The following UBE2Q2 variants were observed in gnomAD, a reference collection of about 807,000 sequenced individuals.
UBE2Q2 encodes ubiquitin-conjugating enzyme E2 Q2.
UBE2Q2 carries 54 observed loss-of-function variants against 59.9 expected under a neutral mutation model. The observed-to-expected ratio is 0.90, with a 90% CI of 0.72 to 1.13. The LOEUF (loss-of-function observed/expected upper bound fraction) is 1.13. Ranked by LOEUF, UBE2Q2 falls within the 50% of genes most tolerant of loss-of-function variation. The pLI is 0.00. For synonymous variants in UBE2Q2, 165 were observed against 155.2 expected (o/e 1.06, Z -0.47); for missense variants, 433 against 441.9 (o/e 0.98, Z 0.18).
Position 75,899,691 on chromosome 15 carries a change from A to G in UBE2Q2, c.*233A>G, listed in dbSNP as rs1899650541. 6.7e-6 allele frequency: 2 copies of G among 298,296 alleles called. No individual in the cohort carries two copies. Among genetic ancestry groups the G allele is most frequent in the South Asian group, 7.5e-5 (1 of 13,304 alleles). 18.5% of individuals were successfully genotyped at this position (298,296 alleles called of 1,614,324 possible). A position where few individuals can be genotyped will look rare whatever the true frequency, so the allele number is the denominator to read the frequency against. On this transcript the variant is annotated 3_prime_UTR_variant, in exon 13 of 13. Transcript: ENST00000267938. The stretch of plus-strand genomic sequence containing the variant: ...GCCTTTACTGTATTTTTCCTGATAA[A>G]TACACATACTGGCCACTCCTTATCT...
chr15:75,873,496 T>C lies in UBE2Q2; in HGVS notation c.516T>C (p.Asp172=). Residue 172 remains aspartate, a synonymous_variant, in exon 5 of 13, where the codon GAT becomes GAC. Transcript: ENST00000267938. ...CTATTAGTGGGAAAAAGTCAGAGGA[T>C]GAAGGAATTGAAAAAGAAAATTTGG... is the stretch of plus-strand genomic sequence containing the variant. ...EEPISGKKSE[D]EGIEKENLAI... is the part of the protein sequence containing the mutation. The C allele has an allele frequency of 6.2e-7, 1 of 1,613,832 alleles. No individual in the cohort carries two copies. Among genetic ancestry groups the C allele is most frequent in the Non-Finnish European group, 8.5e-7 (1 of 1,179,882 alleles).
chr15:75,867,635 T>A (rs549535282), intron 3 of UBE2Q2, among the ~76,000 whole-genome samples: 1 of 152,314 alleles, frequency 6.6e-6, no homozygotes, highest in South Asian at 2.1e-4. Context: ...TTACTTCCCC[T>A]TTTTGAGGTG....
At chr15:75,886,560 G>T (rs550508055) in intron 9 of UBE2Q2, among the ~76,000 whole-genome samples, 1 of 152,234 alleles carries the variant, frequency 6.6e-6, no homozygotes, top group East Asian at 1.9e-4. Flanking sequence ...AAAAGATTTG[G>T]AAGAAATTTG....
At chr15:75,867,876 A>C (rs1438201947) in intron 3 of UBE2Q2, among the ~76,000 whole-genome samples, 1 of 152,174 alleles carries the variant, frequency 6.6e-6, no homozygotes, top group African/African-American at 2.4e-5. Context: ...TTTGATTTGG[A>C]ATATAACAAT....
At chr15:75,890,516 A>G (rs1899038504) in intron 10 of UBE2Q2, 33 bp downstream of exon 10, 1 of 1,591,640 alleles carries the variant, frequency 6.3e-7, no homozygotes, top group African/African-American at 1.3e-5. Flanking sequence ...ATTTTCACCC[A>G]CAATTTAGTG....
At chr15:75,864,784 C>A in intron 3 of UBE2Q2, among the ~76,000 whole-genome samples, 1 of 151,576 alleles carries the variant, frequency 6.6e-6, no homozygotes, top group Admixed American at 6.6e-5. Context: ...TTTTTTAAAT[C>A]TAGTGTTTTC....
chr15:75,891,788 T>G (rs1223820353), intron 11 of UBE2Q2, among the ~76,000 whole-genome samples: 2 of 152,212 alleles, frequency 1.3e-5, no homozygotes, highest in African/African-American at 4.8e-5. Flanking sequence ...TGAGACAGCC[T>G]TCCAAAGCCG....
intron 4 of UBE2Q2, 96 bp from the exon 5 acceptor site, chr15:75,873,332 C>T: frequency 5.6e-6 from 7 of 1,261,244 alleles, no homozygotes; most frequent in Non-Finnish European, 7.6e-6. Flanking sequence ...TTTCTTGTTC[C>T]TCATTTGAGT....
In UBE2Q2 at chr15:75,900,094, G is replaced by C. The variant is rs1899672152; in HGVS notation, c.*636G>C. 1 of 152,504 alleles carries C rather than the reference G, an allele frequency of 6.6e-6. No homozygotes were observed. Among genetic ancestry groups the C allele is most frequent in the Non-Finnish European group, 1.5e-5 (1 of 68,028 alleles). 9.4% of individuals were successfully genotyped at this position (152,504 alleles called of 1,614,324 possible). On this transcript the variant is annotated 3_prime_UTR_variant, in exon 13 of 13. Transcript: ENST00000267938. Reference sequence around the variant, plus strand: ...GCAGTGTAAAACTGTATCAATTAAGGCTTGTGAGTAGTGATTTCCACTGGG... The same window carrying C: ...GCAGTGTAAAACTGTATCAATTAAGCCTTGTGAGTAGTGATTTCCACTGGG...
At chr15:75,891,789 T>G (rs1453834915) in intron 11 of UBE2Q2, among the ~76,000 whole-genome samples, 2 of 152,228 alleles carry the variant, frequency 1.3e-5, no homozygotes, top group African/African-American at 2.4e-5. Context: ...GAGACAGCCT[T>G]CCAAAGCCGG....
chr15:75,863,792 A>G (rs1490593398), intron 3 of UBE2Q2, among the ~76,000 whole-genome samples: 2 of 151,886 alleles, frequency 1.3e-5, no homozygotes, highest in African/African-American at 4.8e-5. Flanking sequence ...ACAGGTGTGC[A>G]CCACCACGCT....
chr15:75,863,938 C>T (rs1245146270), intron 3 of UBE2Q2, among the ~76,000 whole-genome samples: 2 of 152,062 alleles, frequency 1.3e-5, no homozygotes, highest in African/African-American at 4.8e-5. Flanking sequence ...CTGCACCTGG[C>T]CCCTCACTTT....
At chr15:75,883,843 C>T (rs1898598439) in intron 9 of UBE2Q2, among the ~76,000 whole-genome samples, 1 of 1,776 alleles carries the variant, frequency 5.6e-4, no homozygotes, top group African/African-American at 6.0e-4. Context: ...TATACATACA[C>T]ACACACACAC....
At chr15:75,874,702 A>G (rs74515368) in intron 5 of UBE2Q2, among the ~76,000 whole-genome samples, 1,798 of 152,340 alleles carry the variant, frequency 0.012, 30 homozygotes, top group African/African-American at 0.041. Context: ...TAGACAGTAC[A>G]TACCTTTTGG....
chr15:75,851,708 T>A (rs1054733139), intron 1 of UBE2Q2, among the ~76,000 whole-genome samples: 1 of 152,188 alleles, frequency 6.6e-6, no homozygotes, highest in Admixed American at 6.5e-5. Flanking sequence ...GTAAAAATGG[T>A]ATTCCATTTA....
chr15:75,893,726 T>C (rs1015201402), intron 11 of UBE2Q2, among the ~76,000 whole-genome samples: 9 of 152,158 alleles, frequency 5.9e-5, no homozygotes, highest in African/African-American at 2.2e-4. Flanking sequence ...TACCATATAA[T>C]TTAAATATGA....
chr15:75,885,393 C>T (rs1049320505), intron 9 of UBE2Q2, among the ~76,000 whole-genome samples: 1 of 152,244 alleles, frequency 6.6e-6, no homozygotes, highest in East Asian at 1.9e-4. Context: ...TGGGATTACA[C>T]GCATGAGCTA....
Position 75,843,614 on chromosome 15 carries a change from C to T in UBE2Q2, c.-53C>T. ...TGACGGCGGCTCCGGGCCCGGCTCCCCTTCCGCGCCCGGCTCCCCTTCCGC... is the reference window on the plus strand; with the variant it reads ...TGACGGCGGCTCCGGGCCCGGCTCCTCTTCCGCGCCCGGCTCCCCTTCCGC... On this transcript the variant is annotated 5_prime_UTR_variant, in exon 1 of 13. Transcript: ENST00000267938. 2.7e-6 allele frequency: 4 copies of T among 1,506,724 alleles called. No homozygotes were observed. Among genetic ancestry groups the T allele is most frequent in the East Asian group, 2.8e-5 (1 of 35,846 alleles). The allele number at this position is 1,506,724 out of a possible 1,614,324, so 93.3% of individuals were successfully genotyped here. A position where few individuals can be genotyped will look rare whatever the true frequency, so the allele number is the denominator to read the frequency against.
chr15:75,866,607 T>C (rs1897494682), intron 3 of UBE2Q2, among the ~76,000 whole-genome samples: 1 of 152,228 alleles, frequency 6.6e-6, no homozygotes, highest in African/African-American at 2.4e-5. Context: ...ATATCTTCAA[T>C]GTCCCTTAAC....
Sources: gnomAD v4.1 joint callset for allele counts (sites outside exome capture counted in the v4.1 genomes callset) on GRCh38, gnomAD v4.1.1 for gene constraint, MANE v1.5 for transcripts, NCBI Gene and HGNC (gene_info 2026-07-23, HGNC 2026-07-21) for gene names.